Variants in ZMYM1 observed in about 807,000 individuals in gnomAD.
ZMYM1 encodes the protein zinc finger MYM-type protein 1.
Under a neutral mutation model 60.0 loss-of-function variants are expected in ZMYM1, and 39 were observed. The ratio of observed to expected loss-of-function variants is 0.65; its 90% confidence interval spans 0.50 to 0.85. ZMYM1 has a LOEUF of 0.85. ZMYM1 is among the 40% of genes least tolerant of loss of function. ZMYM1 has a pLI of 0.00. For missense variants in ZMYM1, 1,171 were observed against 1,309.5 expected (o/e 0.89, Z 1.63); for synonymous variants, 413 against 454.0 (o/e 0.91, Z 1.15).
At chr1:35,110,013 G>T (rs560961238) in intron 6 of ZMYM1, among the ~76,000 whole-genome samples, 16 of 152,292 alleles carry the variant, frequency 1.1e-4, no homozygotes, top group African/African-American at 3.8e-4. Context: ...CTCCCAAAGT[G>T]CTGGGATTAC....
At chr1:35,104,826 T>A in intron 6 of ZMYM1, 57 bp downstream of exon 6, 1 of 1,462,024 alleles carries the variant, frequency 6.8e-7, no homozygotes, top group Non-Finnish European at 9.5e-7. Flanking sequence ...GGTTTCACTC[T>A]AGGAAAATGT....
At chr1:35,112,215 C>A in intron 9 of ZMYM1, 85 bp downstream of exon 9, 3 of 1,403,634 alleles carry the variant, frequency 2.1e-6, no homozygotes, top group Non-Finnish European at 3.0e-6. Context: ...TCTCGCTCTG[C>A]CACCCAAGCT....
At chr1:35,092,646 T>C (rs968415397) in intron 1 of ZMYM1, among the ~76,000 whole-genome samples, 2 of 148,974 alleles carry the variant, frequency 1.3e-5, no homozygotes, top group African/African-American at 5.0e-5. Context: ...CTTTTCTTTC[T>C]TGACAGAGTC....
At chr1:35,116,102 C>T (rs1006282046), downstream of ZMYM1, among the ~76,000 whole-genome samples, 15 of 151,800 alleles carry the variant, frequency 9.9e-5, no homozygotes, top group Non-Finnish European at 1.9e-4. Context: ...AAGTGTGGTA[C>T]TGCACACCCG....
Position 35,113,293 on chromosome 1 carries a change from T to G in ZMYM1, c.1463T>G (p.Phe488Cys), listed in dbSNP as rs769667755. The G allele has an allele frequency of 6.2e-7, 1 of 1,612,754 alleles. No individual in the cohort carries two copies. The highest frequency in any genetic ancestry group is 1.7e-5 in the Admixed American group (1 of 60,014). The change falls in exon 10 of 10, where the codon TTT becomes TGT. Residue 488 changes from phenylalanine to cysteine, a missense_variant. Physicochemically the swap from Phe to Cys is radical, Grantham distance 205. Transcript: ENST00000359858. ...TGCCAGTTGTTCTGCCAAAAATATT[T>G]TAGCTGTGGAAGAGAGTCATTTGCA... is the stretch of plus-strand genomic sequence containing the variant. ...YSCQLFCQKY[F>C]SCGRESFATH...
chr1:35,096,803 G>A (rs1462378722), intron 3 of ZMYM1, among the ~76,000 whole-genome samples: 2 of 152,028 alleles, frequency 1.3e-5, no homozygotes, highest in Admixed American at 6.6e-5. Context: ...AGGTTCAAGC[G>A]ATTCTCCTGC....
At chr1:35,084,516 G>C (rs1159884624) in intron 1 of ZMYM1, among the ~76,000 whole-genome samples, 1 of 152,158 alleles carries the variant, frequency 6.6e-6, no homozygotes, top group African/African-American at 2.4e-5. Flanking sequence ...TGTTAAGACT[G>C]GTCTATTTCA....
intron 1 of ZMYM1, among the ~76,000 whole-genome samples, chr1:35,074,291 C>A (rs939107759): frequency 1.3e-5 from 2 of 152,160 alleles, no homozygotes; most frequent in Non-Finnish European, 2.9e-5. Flanking sequence ...AATATATGGT[C>A]TATCCTGGAT....
At chr1:35,086,982 CTTTTTTTTTT>C (rs1184601007) in intron 1 of ZMYM1, among the ~76,000 whole-genome samples, 4 of 100,114 alleles carry the variant, frequency 4.0e-5, no homozygotes, top group Non-Finnish European at 5.7e-5. Context: ...CGCACCCAGC[CTTTTTTTTTT>C]TTTTTTTTTT....
At chr1:35,112,224 C>T in intron 9 of ZMYM1, 94 bp downstream of exon 9, 1 of 1,313,376 alleles carries the variant, frequency 7.6e-7, no homozygotes, top group Non-Finnish European at 1.1e-6. Flanking sequence ...GCCACCCAAG[C>T]TGGAGTGCAG....
At chr1:35,104,530 T>G in intron 5 of ZMYM1, 27 bp from the exon 6 acceptor site, 1 of 1,612,620 alleles carries the variant, frequency 6.2e-7, no homozygotes, top group Non-Finnish European at 8.5e-7. Flanking sequence ...ATCAGAGTTT[T>G]TACTGAATCT....
chr1:35,104,381 C>A lies in ZMYM1; in HGVS notation c.506C>A (p.Ser169Ter). ...ACTTTTTGCAGCCTATCTTGTCTTT[C>A]ATCATATGAAGAAAAAAGAAAACCA... is the stretch of plus-strand genomic sequence containing the variant. Reference protein sequence around the residue: ...CKTFCSLSCLSSYEEKRKPFV... With the variant: ...CKTFCSLSCL Residue 169 changes from serine to a stop codon, truncating the protein, a stop_gained, in exon 5 of 10, where the codon TCA becomes TAA. Coordinates refer to ENST00000359858, the MANE Select transcript of ZMYM1 (RefSeq NM_024772.5). LOFTEE classifies it high-confidence loss of function. 1.9e-6 allele frequency: 3 copies of A among 1,613,302 alleles called. No homozygotes were observed. The highest frequency in any genetic ancestry group is 2.5e-6 in the Non-Finnish European group (3 of 1,179,750).
Position 35,111,777 on chromosome 1 carries a change from G to T in ZMYM1, c.967G>T (p.Val323Phe). The T allele has an allele frequency of 6.4e-7, 1 of 1,570,048 alleles. No individual in the cohort carries two copies. Among genetic ancestry groups the T allele is most frequent in the Admixed American group, 1.9e-5 (1 of 52,908 alleles). Residue 323 changes from valine (V) to phenylalanine (F), a missense_variant, in exon 8 of 10, where the codon GTT becomes TTT. Val to Phe is a conservative substitution (Grantham distance 50, BLOSUM62 -1). Transcript: ENST00000359858. Reference sequence around the variant, plus strand: ...AATCTTTTTATTGTTGTCAGTAAGTGTTGTTTCTGTGGTGCATGATACTTC... The same window carrying T: ...AATCTTTTTATTGTTGTCAGTAAGTTTTGTTTCTGTGGTGCATGATACTTC... ...KAKMESSSVS[V>F]VSVVHDTSTE...
At chr1:35,077,623 G>A (rs1415086347), upstream of ZMYM1, among the ~76,000 whole-genome samples, 1 of 152,030 alleles carries the variant, frequency 6.6e-6, no homozygotes, top group Admixed American at 6.6e-5. Flanking sequence ...TAGATAAACA[G>A]GCTCATCTGA....
chr1:35,063,382 A>G (rs1344316844), intron 1 of ZMYM1, among the ~76,000 whole-genome samples: 1 of 152,150 alleles, frequency 6.6e-6, no homozygotes, highest in African/African-American at 2.4e-5. Context: ...ATCCTGGCTC[A>G]CCACAGCCTC....
At chr1:35,079,824 A>G (rs1642274582) in intron 1 of ZMYM1, among the ~76,000 whole-genome samples, 1 of 151,534 alleles carries the variant, frequency 6.6e-6, no homozygotes, top group Admixed American at 6.6e-5. Flanking sequence ...CAAAAGTTTG[A>G]CTCCTGGCCG....
Position 35,097,359 on chromosome 1 carries a change from C to A in ZMYM1, c.212C>A (p.Ser71Tyr). 6.2e-7 allele frequency: 1 copy of A among 1,613,568 alleles called. No individual in the cohort carries two copies. Among genetic ancestry groups the A allele is most frequent in the Non-Finnish European group, 8.5e-7 (1 of 1,179,714 alleles). ...TAGIQLSLAS[S>Y]GVNKMLPSVS... ...GGCATTCAGCTTTCTCTGGCATCAT[C>A]TGGCGTGAATAAAATGCTTCCTTCA... The change falls in exon 4 of 10, where the codon TCT (serine) becomes TAT (tyrosine). Residue 71 changes from serine to tyrosine, a missense_variant. Ser to Tyr is a moderately radical substitution (Grantham distance 144). Coordinates refer to ENST00000359858, the MANE Select transcript of ZMYM1 (RefSeq NM_024772.5).
chr1:35,076,559 T>C (rs1170854012), upstream of ZMYM1, among the ~76,000 whole-genome samples: 2 of 151,778 alleles, frequency 1.3e-5, no homozygotes, highest in Non-Finnish European at 2.9e-5. Flanking sequence ...AGGTGAAGGT[T>C]GCGGTGAGCC....
chr1:35,104,764 A>C lies in ZMYM1; in HGVS notation c.802A>C (p.Lys268Gln), dbSNP rs1426338642. 1 of 1,610,680 alleles carries C rather than the reference A, an allele frequency of 6.2e-7. No homozygotes were observed. The highest frequency in any genetic ancestry group is 2.2e-5 in the East Asian group (1 of 44,768). Residue 268 changes from lysine (K) to glutamine (Q), a missense_variant, in exon 6 of 10, where the codon AAG becomes CAG. By Grantham distance (53) the Lys-to-Gln change is moderately conservative (BLOSUM62 1). Transcript: ENST00000359858. ...FNSSKSITAY[K>Q]QKPAKPLISV... Reference sequence around the variant, plus strand: ...TAGTTCAAAGAGTATTACAGCATATAAGCAGGTATGAATAAAGACCTATTG... The same window carrying C: ...TAGTTCAAAGAGTATTACAGCATATCAGCAGGTATGAATAAAGACCTATTG...
Sources: gnomAD v4.1 joint callset for allele counts (sites outside exome capture counted in the v4.1 genomes callset) on GRCh38, gnomAD v4.1.1 for gene constraint, MANE v1.5 for transcripts, NCBI Gene and HGNC (gene_info 2026-07-23, HGNC 2026-07-21) for gene names.